The following RTTN variants were observed in gnomAD, a reference collection of about 807,000 sequenced individuals.
The protein encoded by RTTN is rotatin.
Under a neutral mutation model 269.2 loss-of-function variants are expected in RTTN, and 182 were observed. The ratio of observed to expected loss-of-function variants is 0.68; its 90% CI spans 0.60 to 0.76. The LOEUF (loss-of-function observed/expected upper bound fraction) is 0.76. RTTN is among the 30% of genes least tolerant of loss of function. The pLI, the probability that RTTN is intolerant of heterozygous loss-of-function variation, is 0.00. For synonymous variants in RTTN, 1,006 were observed against 963.5 expected (o/e 1.04, Z -0.82); for missense variants, 2,545 against 2,608.6 (o/e 0.98, Z 0.53).
In RTTN at chr18:70,150,077, G is replaced by A; in HGVS notation, c.2066C>T (p.Ala689Val). 6.2e-7 allele frequency: 1 copy of A among 1,611,384 alleles called. No homozygotes were observed. Residue 689 changes from alanine (A) to valine (V), a missense_variant, in exon 16 of 49, where the codon GCT (alanine) becomes GTT (valine). Ala to Val is a moderately conservative substitution (Grantham distance 64). Transcript: ENST00000640769. ...CAGGTATAACAGAATGGCCTTGGCA[G>A]CAGTGTTCACCTGCTCAACAACACA... The part of the protein sequence containing the change: ...IQEPESEVNT[A>V]AKAILLYLLQ...
Position 70,005,515 on chromosome 18 carries a change from T to C in RTTN, c.6526-248A>G, listed in dbSNP as rs11151554. On this transcript the variant is annotated intron_variant, in intron 47 of 48. Coordinates refer to ENST00000640769, the MANE Select transcript of RTTN (RefSeq NM_173630.4). Reference sequence around the variant, plus strand: ...TTCCCATTTTCTTTCTTCCCTTCTCTTTTACTCCTTCTCCCCTAATCTCAA... The same window carrying C: ...TTCCCATTTTCTTTCTTCCCTTCTCCTTTACTCCTTCTCCCCTAATCTCAA... The C allele has an allele frequency of 0.86, 303,516 of 352,816 alleles. 140,913 individuals carry two copies. The highest frequency in any genetic ancestry group is 1 in the East Asian group (23,397 of 23,410). The allele number at this position is 352,816 out of a possible 1,614,324, so 21.9% of individuals were successfully genotyped here. A position where few individuals can be genotyped will look rare whatever the true frequency, so the allele number is the denominator to read the frequency against.
Position 70,134,587 on chromosome 18 carries a change from C to A in RTTN, c.2886-46G>T, listed in dbSNP as rs112533051. 18 of 1,391,484 alleles carry A rather than the reference C, an allele frequency of 1.3e-5. No individual in the cohort carries two copies. In the African/African-American group the frequency reaches 1.7e-4, roughly 13 times the overall value. 86.2% of individuals were successfully genotyped at this position (1,391,484 alleles called of 1,614,324 possible). On this transcript the variant is annotated intron_variant, in intron 22 of 48. Coordinates refer to ENST00000640769, the MANE Select transcript of RTTN (RefSeq NM_173630.4). Reference sequence around the variant, plus strand: ...AAAAACAAAGAAACAACTGAGTAGACCAAGTTTTGTCTAACAAATACAACT... The same window carrying A: ...AAAAACAAAGAAACAACTGAGTAGAACAAGTTTTGTCTAACAAATACAACT...
Position 70,051,994 on chromosome 18 carries a change from T to C in RTTN, c.5186-446A>G, listed in dbSNP as rs191255398. On this transcript the variant is annotated intron_variant, in intron 38 of 48. Transcript: ENST00000640769. The stretch of plus-strand genomic sequence containing the variant: ...AAAGCACAGTGTGCCAAGGTCAAGG[T>C]AGAAAAGAAAGAATTTCTTTGAAGA... Among the ~76,000 whole-genome samples the C allele has an allele frequency of 4.9e-4, 74 of 152,276 alleles. 1 individual carries two copies. Among genetic ancestry groups the C allele is most frequent in the Middle Eastern group, 3.4e-3 (1 of 294 alleles).
chr18:70,136,003 T>C (rs567711805), intron 21 of RTTN, among the ~76,000 whole-genome samples: 1 of 152,212 alleles, frequency 6.6e-6, no homozygotes, highest in African/African-American at 2.4e-5. Context: ...AACAACATAA[T>C]ACACAGTTAG....
At chr18:70,201,823 CAAT>C in intron 4 of RTTN, 68 bp downstream of exon 4, 1 of 910,496 alleles carries the variant, frequency 1.1e-6, no homozygotes. Context: ...TACATCTTCA[CAAT>C]AACGAAAAAA....
chr18:70,088,855 T>C (rs2058768835), intron 30 of RTTN, among the ~76,000 whole-genome samples: 1 of 152,198 alleles, frequency 6.6e-6, no homozygotes, highest in African/African-American at 2.4e-5. Flanking sequence ...TTTATTGTAA[T>C]AGCATATTTT....
intron 39 of RTTN, among the ~76,000 whole-genome samples, chr18:70,049,599 A>T (rs1409325082): frequency 1.3e-5 from 2 of 152,184 alleles, no homozygotes; most frequent in Non-Finnish European, 2.9e-5. Flanking sequence ...TGTTAAAAAA[A>T]ATCGGTCAGT....
At chr18:70,185,072 A>T (rs1568533477) in intron 10 of RTTN, among the ~76,000 whole-genome samples, 1 of 152,112 alleles carries the variant, frequency 6.6e-6, no homozygotes, top group East Asian at 1.9e-4. Context: ...AAACCCACAT[A>T]TAGTTAGTTG....
intron 21 of RTTN, 149 bp from the exon 22 acceptor site, chr18:70,135,429 T>C: frequency 1.9e-6 from 1 of 540,458 alleles, no homozygotes; most frequent in South Asian, 2.3e-5. Flanking sequence ...ATCTCAAACT[T>C]GTGGATGTAC....
chr18:70,083,661 G>C (rs1300514777), intron 32 of RTTN, among the ~76,000 whole-genome samples: 1 of 151,964 alleles, frequency 6.6e-6, no homozygotes, highest in Non-Finnish European at 1.5e-5. Flanking sequence ...TATCTTGTCC[G>C]AGAAAAGATT....
chr18:70,201,904 T>C lies in RTTN; in HGVS notation c.477A>G (p.Pro159=), dbSNP rs1182640762. The C allele has an allele frequency of 6.2e-7, 1 of 1,606,248 alleles. No homozygotes were observed. Among genetic ancestry groups the C allele is most frequent in the Non-Finnish European group, 8.5e-7 (1 of 1,173,072 alleles). The part of the protein sequence containing the change: ...KSNFQQMEVP[P]RPVVNQTVKC... ...CCGACATATACACACCCACTGGTCG[T>C]GGCGGCACTTCCATCTGCTGGAAAT... The change falls in exon 4 of 49, where the codon CCA becomes CCG. Residue 159 remains proline, a synonymous_variant. Coordinates refer to ENST00000640769, the MANE Select transcript of RTTN (RefSeq NM_173630.4).
rs73964474 is a variant in RTTN at position 70,038,048 on chromosome 18, C to G, written c.5542-7067G>C. Among the ~76,000 whole-genome samples, 861 of 152,264 alleles carry G rather than the reference C, an allele frequency of 5.7e-3. 9 individuals are homozygous for G. The highest frequency in any genetic ancestry group is 0.019 in the African/African-American group (808 of 41,550). Reference sequence around the variant, plus strand: ...TTCCTGTGGAAAGGGGAGAGAAGAGCAGAAAGGACCCAGTATTGTGGTTTG... The same window carrying G: ...TTCCTGTGGAAAGGGGAGAGAAGAGGAGAAAGGACCCAGTATTGTGGTTTG... On this transcript the variant is annotated intron_variant, in intron 40 of 48. Coordinates refer to ENST00000640769, the MANE Select transcript of RTTN (RefSeq NM_173630.4).
chr18:70,067,645 T>C (rs1025510668), intron 34 of RTTN, among the ~76,000 whole-genome samples: 2 of 152,206 alleles, frequency 1.3e-5, no homozygotes, highest in Middle Eastern at 3.2e-3. Context: ...ACTCTTTTGG[T>C]TGTATAAGAA....
At chr18:70,118,576 T>C (rs1357372820) in intron 26 of RTTN, among the ~76,000 whole-genome samples, 3 of 152,000 alleles carry the variant, frequency 2.0e-5, no homozygotes, top group Admixed American at 2.0e-4. Flanking sequence ...ACTTCCAAAC[T>C]CACTTTATGA....
rs537287218 is a variant in RTTN at position 70,024,565 on chromosome 18, C to T, written c.5950+157G>A. 3.3e-5 allele frequency among the ~76,000 whole-genome samples: 5 copies of T among 152,336 alleles called. No individual in the cohort carries two copies. The East Asian group carries it at 9.7e-4, about 29-fold the overall frequency. On this transcript the variant is annotated intron_variant, in intron 44 of 48. Coordinates refer to ENST00000640769, the MANE Select transcript of RTTN (RefSeq NM_173630.4). ...ACACACTAAAATATCTGTCTGCTCTCATAATACCTACGAGAAAGCTTGCCT... is the reference window on the plus strand; with the variant it reads ...ACACACTAAAATATCTGTCTGCTCTTATAATACCTACGAGAAAGCTTGCCT...
intron 26 of RTTN, among the ~76,000 whole-genome samples, chr18:70,119,565 A>T (rs2145544690): frequency 6.6e-6 from 1 of 152,266 alleles, no homozygotes; most frequent in South Asian, 2.1e-4. Flanking sequence ...AGAACCAGCA[A>T]GGACATCAAG....
At chr18:70,119,536 A>G (rs1359595051) in intron 26 of RTTN, among the ~76,000 whole-genome samples, 1 of 151,818 alleles carries the variant, frequency 6.6e-6, no homozygotes, top group Non-Finnish European at 1.5e-5. Context: ...AAAGGAGACT[A>G]ACAACCCAAT....
chr18:70,086,199 G>C (rs2145180799), intron 32 of RTTN, among the ~76,000 whole-genome samples: 1 of 152,226 alleles, frequency 6.6e-6, no homozygotes, highest in East Asian at 1.9e-4. Context: ...ACAGCAAAGT[G>C]GGTAAGAGAC....
chr18:70,117,487 T>G lies in RTTN; in HGVS notation c.3529-2888A>C, dbSNP rs185658872. Among the ~76,000 whole-genome samples the G allele has an allele frequency of 3.5e-3, 533 of 152,158 alleles. 14 individuals are homozygous for G. The highest frequency in any genetic ancestry group is 0.028 in the Admixed American group (435 of 15,272). ...CTTTTGTGCACTCTTAAAAGTAGTA[T>G]TATTTATAACACTTGTGGTGATAAT... On this transcript the variant is annotated intron_variant, in intron 26 of 48. Coordinates refer to ENST00000640769, the MANE Select transcript of RTTN (RefSeq NM_173630.4).
Sources: gnomAD v4.1 joint callset for allele counts (sites outside exome capture counted in the v4.1 genomes callset) on GRCh38, gnomAD v4.1.1 for gene constraint, MANE v1.5 for transcripts, NCBI Gene and HGNC (gene_info 2026-07-23, HGNC 2026-07-21) for gene names.